RABGAP1L: variants seen among roughly 807,000 people sequenced by gnomAD.
RABGAP1L encodes rab GTPase-activating protein 1-like.
A neutral mutation model predicts 137.7 loss-of-function variants in RABGAP1L; 63 were observed. The ratio of observed to expected loss-of-function variants is 0.46; its 90% CI spans 0.37 to 0.56. The LOEUF is 0.56. Ranked by LOEUF, RABGAP1L falls within the 20% of genes least tolerant of loss-of-function variation. The pLI, the probability that RABGAP1L is intolerant of heterozygous loss-of-function variation, is 0.00. For synonymous variants in RABGAP1L, 431 were observed against 433.7 expected (o/e 0.99, Z 0.08); for missense variants, 1,095 against 1,244.0 (o/e 0.88, Z 1.80).
intron 14 of RABGAP1L, among the ~76,000 whole-genome samples, chr1:174,659,053 A>T (rs1676180467): frequency 6.6e-6 from 1 of 152,202 alleles, no homozygotes; most frequent in Non-Finnish European, 1.5e-5. Context: ...TTCATTCCTG[A>T]CGATAAATCA....
intron 19 of RABGAP1L, among the ~76,000 whole-genome samples, chr1:174,813,066 G>A (rs1350713652): frequency 6.6e-6 from 1 of 152,224 alleles, no homozygotes; most frequent in Non-Finnish European, 1.5e-5. Context: ...GTGAAGCAGG[G>A]AGCTCTTGCA....
chr1:174,615,846 A>G (rs1228835133), intron 13 of RABGAP1L, among the ~76,000 whole-genome samples: 3 of 152,170 alleles, frequency 2.0e-5, no homozygotes, highest in Non-Finnish European at 2.9e-5. Flanking sequence ...TGTGCTAGCA[A>G]TCAGCGAGAC....
chr1:174,367,562 C>T, intron 11 of RABGAP1L: 1 of 248,458 alleles, frequency 4.0e-6, no homozygotes, highest in Non-Finnish European at 8.1e-6. Context: ...GTTATTTTTT[C>T]TGTTTAGCTG....
intron 18 of RABGAP1L, among the ~76,000 whole-genome samples, chr1:174,782,213 C>T (rs1687068351): frequency 6.6e-6 from 1 of 152,164 alleles, no homozygotes; most frequent in Admixed American, 6.5e-5. Context: ...GAATGTTCCT[C>T]CATTCGTTTG....
intron 13 of RABGAP1L, among the ~76,000 whole-genome samples, chr1:174,437,138 C>T (rs181860131): frequency 2.0e-5 from 3 of 152,018 alleles, no homozygotes; most frequent in Non-Finnish European, 2.9e-5. Context: ...GCAGAAAAAC[C>T]GGAAACTCTA....
At chr1:174,249,561 T>G (rs979775134) in intron 5 of RABGAP1L, among the ~76,000 whole-genome samples, 6 of 152,024 alleles carry the variant, frequency 3.9e-5, no homozygotes, top group Non-Finnish European at 8.8e-5. Flanking sequence ...TCACCATGTT[T>G]AAATGTCAGA....
In RABGAP1L at chr1:174,946,153, T is replaced by C. The variant is rs553349192; in HGVS notation, c.2341-11304T>C. Among the ~76,000 whole-genome samples the C allele has an allele frequency of 3.3e-5, 5 of 152,284 alleles. No individual in the cohort carries two copies. The East Asian group carries it at 7.7e-4, about 23-fold the overall frequency. On this transcript the variant is annotated intron_variant, in intron 19 of 25. Transcript: ENST00000681986. ...TAATGTGGCAGATATCTTAGGTTCA[T>C]TACCTCTCAGTTATGCATTAACAGC...
intron 19 of RABGAP1L, among the ~76,000 whole-genome samples, chr1:174,819,245 G>GA (rs1553257397): frequency 0.014 from 2,114 of 148,574 alleles, 156 homozygotes; most frequent in Admixed American, 0.12. Context: ...AGTAAGTATG[G>GA]GAGAGAGAGA....
intron 13 of RABGAP1L, among the ~76,000 whole-genome samples, chr1:174,559,108 G>A (rs1185101982): frequency 1.3e-5 from 2 of 152,060 alleles, no homozygotes; most frequent in Non-Finnish European, 2.9e-5. Flanking sequence ...CTATGCTTTT[G>A]TTACTTAAGT....
intron 17 of RABGAP1L, among the ~76,000 whole-genome samples, chr1:174,718,965 G>A (rs1032237069): frequency 1.3e-5 from 2 of 150,474 alleles, no homozygotes; most frequent in African/African-American, 2.5e-5. Flanking sequence ...TCAGCCTCCC[G>A]AGTAGCTGGG....
intron 11 of RABGAP1L, among the ~76,000 whole-genome samples, chr1:174,326,176 T>C (rs895401981): frequency 3.9e-5 from 6 of 152,162 alleles, no homozygotes; most frequent in Non-Finnish European, 8.8e-5. Context: ...AATAGGAATA[T>C]ACTAGGAAAA....
intron 13 of RABGAP1L, among the ~76,000 whole-genome samples, chr1:174,515,444 G>A (rs760077006): frequency 1.3e-5 from 2 of 150,710 alleles, no homozygotes; most frequent in Admixed American, 6.6e-5. Flanking sequence ...CACTTGGCAG[G>A]AGTGTTGATT....
chr1:174,525,170 C>A (rs1343967742), intron 13 of RABGAP1L, among the ~76,000 whole-genome samples: 1 of 151,922 alleles, frequency 6.6e-6, no homozygotes, highest in Non-Finnish European at 1.5e-5. Context: ...TTTTTACTAA[C>A]TCTGTGAAAA....
rs367655060 is a variant in RABGAP1L, at chr1:174,394,066, G to C, written c.1631G>C (p.Arg544Thr). The change falls in exon 13 of 26, where the codon AGG becomes ACG. Residue 544 changes from arginine (R) to threonine (T), a missense_variant. Transcript: ENST00000681986. ...AAGAGTGGTGTCCCTGAAGCATTGA[G>C]GGCAGAGGTATGGCAGTTATTGGCA... ...LVKSGVPEAL[R>T]AEVWQLLAGC... is the part of the protein sequence containing the mutation. 5.0e-6 allele frequency: 8 copies of C among 1,613,744 alleles called. No individual in the cohort carries two copies. The highest frequency in any genetic ancestry group is 6.8e-6 in the Non-Finnish European group (8 of 1,179,834).
chr1:174,393,906 C>G, intron 12 of RABGAP1L, 89 bp from the exon 13 acceptor site: 4 of 1,444,266 alleles, frequency 2.8e-6, no homozygotes, highest in Non-Finnish European at 2.8e-6. Flanking sequence ...CAAGCTTACA[C>G]TTTTATATAA....
intron 13 of RABGAP1L, among the ~76,000 whole-genome samples, chr1:174,439,850 A>G (rs1351550222): frequency 6.6e-6 from 1 of 152,234 alleles, no homozygotes; most frequent in Non-Finnish European, 1.5e-5. Flanking sequence ...TTGAAATGCA[A>G]TGGCAAAGAA....
In RABGAP1L at chr1:174,735,246, G is replaced by T. The variant is rs545292597; in HGVS notation, c.2170-17067G>T. Among the ~76,000 whole-genome samples the T allele has an allele frequency of 2.6e-5, 4 of 151,820 alleles. No individual in the cohort carries two copies. The South Asian group carries it at 8.4e-4, about 32-fold the overall frequency. On this transcript the variant is annotated intron_variant, in intron 17 of 25. Transcript: ENST00000681986. ...CTGCCTCAGCCTCCCAAAGTGCTGG[G>T]ATTACAGGCGTGAGCCACCATGCCC...
chr1:174,544,303 CT>C (rs1246597238), intron 13 of RABGAP1L, among the ~76,000 whole-genome samples: 2 of 152,146 alleles, frequency 1.3e-5, no homozygotes, highest in Non-Finnish European at 2.9e-5. Context: ...TCTTTTTACT[CT>C]TTTTTTCTCT....
At chr1:174,572,138 A>T (rs927868146) in intron 13 of RABGAP1L, among the ~76,000 whole-genome samples, 1 of 152,242 alleles carries the variant, frequency 6.6e-6, no homozygotes, top group Admixed American at 6.5e-5. Flanking sequence ...TTGGTGTAAT[A>T]GAGCATGGAC....
Sources: allele counts gnomAD v4.1 joint callset (sites outside exome capture counted in the v4.1 genomes callset), GRCh38; gene constraint gnomAD v4.1.1; transcripts MANE v1.5; gene names NCBI Gene and HGNC (gene_info 2026-07-23, HGNC 2026-07-21).